NCBP1: variants seen among roughly 807,000 people sequenced by gnomAD.
NCBP1 encodes nuclear cap-binding protein subunit 1.
Under a neutral mutation model 111.7 loss-of-function variants are expected in NCBP1, and 16 were observed. That is an observed-to-expected ratio of 0.14 (90% CI 0.10 to 0.22). NCBP1 has a LOEUF of 0.22. NCBP1 is among the 10% of genes least tolerant of loss of function. The pLI, the probability that NCBP1 is intolerant of heterozygous loss-of-function variation, is 1.00. For synonymous variants in NCBP1, 304 were observed against 314.3 expected, an observed-to-expected ratio of 0.97 and a Z score of 0.35; for missense variants, 607 against 957.5, an observed-to-expected ratio of 0.63 and a Z score of 4.83.
chr9:97,654,796 TGAA>T, intron 11 of NCBP1, 81 bp from the exon 12 acceptor site: 1 of 1,182,078 alleles, frequency 8.5e-7, no homozygotes. Flanking sequence ...TATAAAGACT[TGAA>T]ATGTTTTATT....
chr9:97,647,963 C>CA, intron 7 of NCBP1, 45 bp from the exon 8 acceptor site: 1 of 1,456,474 alleles, frequency 6.9e-7, no homozygotes, highest in Non-Finnish European at 9.4e-7. Context: ...TTTGTCTAGT[C>CA]AAAATGTTAA....
In NCBP1 at chr9:97,658,497, C is replaced by CA. The variant is rs1208314456; in HGVS notation, c.1374-140dup. The stretch of plus-strand genomic sequence containing the variant: ...TGGTGTGCTGGCTTAGACAAAAACT[C>CA]AAAGGATTTTTTTTTCCCTTTCACT... On this transcript the variant is annotated intron_variant, in intron 14 of 22. Transcript: ENST00000375147. 29 of 662,000 alleles carry CA rather than the reference C, an allele frequency of 4.4e-5. No homozygotes were observed. In the South Asian group the frequency reaches 4.7e-4, roughly 11 times the overall value. The allele number at this position is 662,000 out of a possible 1,614,324, so 41.0% of individuals were successfully genotyped here. A position where few individuals can be genotyped will look rare whatever the true frequency, so the allele number is the denominator to read the frequency against.
Position 97,641,602 on chromosome 9 carries a change from G to C in NCBP1, c.164G>C (p.Gly55Ala). The change falls in exon 3 of 23, where the codon GGT (glycine) becomes GCT (alanine). Residue 55 changes from glycine (G) to alanine (A), a missense_variant. This residue lies in a region of NCBP1 where 185 missense variants were observed against 272.0 expected (regional missense o/e 0.68). Transcript: ENST00000375147. ...GAGAGCAACCTAGAAGGCTTGGCTG[G>C]TGTTTTGGAAGCTGATCTTCCTAAC... ...SLESNLEGLAGVLEADLPNYK... is the reference protein window; with the variant it reads ...SLESNLEGLAAVLEADLPNYK... 6.2e-7 allele frequency: 1 copy of C among 1,610,316 alleles called. No individual in the cohort carries two copies. Among genetic ancestry groups the C allele is most frequent in the Non-Finnish European group, 8.5e-7 (1 of 1,177,046 alleles).
chr9:97,656,032 T>C lies in NCBP1; in HGVS notation c.1320T>C (p.Asp440=), dbSNP rs1463331210. 4 of 1,614,036 alleles carry C rather than the reference T, an allele frequency of 2.5e-6. No individual in the cohort carries two copies. Among genetic ancestry groups the C allele is most frequent in the Non-Finnish European group, 3.4e-6 (4 of 1,179,934 alleles). The part of the protein sequence containing the change: ...WEDWSDCLSQ[D]PESPKPKFVR... ...TTAGGTCAGATTGTCTTAGTCAAGA[T>C]CCTGAAAGTCCCAAACCGAAGTTTG... The change falls in exon 14 of 23, where the codon GAT becomes GAC. Residue 440 remains aspartate, a synonymous_variant. Coordinates refer to ENST00000375147, the MANE Select transcript of NCBP1 (RefSeq NM_002486.5).
chr9:97,662,348 G>A (rs956796380), intron 17 of NCBP1, among the ~76,000 whole-genome samples: 7 of 152,332 alleles, frequency 4.6e-5, no homozygotes, highest in Admixed American at 4.6e-4. Flanking sequence ...TATGTACATG[G>A]TAAGTGCTTT....
At chr9:97,634,435 C>T (rs567504537) in intron 1 of NCBP1, 1 of 153,240 alleles carries the variant, frequency 6.5e-6, no homozygotes, top group East Asian at 1.9e-4. Flanking sequence ...GTCTTACCTG[C>T]GCCCAAGAGG....
At position 97,641,658 on chromosome 9, in the gene NCBP1, A is replaced by G. The variant is rs1013344069; in HGVS notation, c.220A>G (p.Thr74Ala). The G allele has an allele frequency of 1.6e-5, 26 of 1,604,332 alleles. No individual in the cohort carries two copies. Among genetic ancestry groups the G allele is most frequent in the Non-Finnish European group, 2.0e-5 (24 of 1,172,694 alleles). Residue 74 changes from threonine (T) to alanine (A), a missense_variant, in exon 3 of 23, where the codon ACA (threonine) becomes GCA (alanine). Physicochemically the swap from Thr to Ala is moderately conservative, Grantham distance 58. This residue lies in a region of NCBP1 where 185 missense variants were observed against 272.0 expected (regional missense o/e 0.68). Coordinates refer to ENST00000375147, the MANE Select transcript of NCBP1 (RefSeq NM_002486.5). ...YKSKILRLLC[T>A]VARLLPEKLT... ...GAGCAAGATCTTAAGGCTTCTTTGT[A>G]CAGTGTATGTATGCAAAAGATTTAT...
intron 19 of NCBP1, among the ~76,000 whole-genome samples, chr9:97,664,977 CT>C (rs758885762): frequency 2.0e-5 from 3 of 152,144 alleles, no homozygotes; most frequent in Non-Finnish European, 2.9e-5. Context: ...CTCATTCCCC[CT>C]AACGGAAAGA....
At chr9:97,651,407 T>A in intron 10 of NCBP1, 34 bp downstream of exon 10, 1 of 1,579,894 alleles carries the variant, frequency 6.3e-7, no homozygotes, top group Middle Eastern at 1.7e-4. Flanking sequence ...TTTCTGAGTT[T>A]CAGAATCTTT....
In NCBP1 at chr9:97,663,901, AG is replaced by A. The variant is rs1304503866; in HGVS notation, c.1798-437del. Among the ~76,000 whole-genome samples, 3 of 151,884 alleles carry A rather than the reference AG, an allele frequency of 2.0e-5. No homozygotes were observed. The East Asian group carries it at 5.8e-4, about 30-fold the overall frequency. Reference sequence around the variant, plus strand: ...AATCTTAAGACCTAATGATCAGGCCAGGCGTGGTGGCTCTTACCTGTAATCC... The same window carrying A: ...AATCTTAAGACCTAATGATCAGGCCAGCGTGGTGGCTCTTACCTGTAATCC... On this transcript the variant is annotated intron_variant, in intron 18 of 22. Transcript: ENST00000375147.
At chr9:97,662,840 A>C in intron 17 of NCBP1, 114 bp from the exon 18 acceptor site, 1 of 744,192 alleles carries the variant, frequency 1.3e-6, no homozygotes, top group East Asian at 2.7e-5. Context: ...ATACTTAGTT[A>C]TTTTGCATTT....
At chr9:97,638,782 T>C (rs1047948606) in intron 1 of NCBP1, among the ~76,000 whole-genome samples, 7 of 152,116 alleles carry the variant, frequency 4.6e-5, no homozygotes, top group African/African-American at 1.4e-4. Flanking sequence ...GCCTGGCCCC[T>C]ACCCACTAGA....
chr9:97,645,274 G>T (rs1367696014), intron 5 of NCBP1, 50 bp downstream of exon 5: 1 of 1,384,472 alleles, frequency 7.2e-7, no homozygotes, highest in African/African-American at 1.4e-5. Flanking sequence ...AGGGGTTACT[G>T]AATCCTGGTA....
chr9:97,661,351 C>T (rs1317644446), intron 16 of NCBP1, among the ~76,000 whole-genome samples: 2 of 152,126 alleles, frequency 1.3e-5, no homozygotes, highest in African/African-American at 4.8e-5. Flanking sequence ...TAGAGAAGTT[C>T]CTGAATAGAA....
chr9:97,658,567 C>T (rs753771882), intron 14 of NCBP1, 73 bp from the exon 15 acceptor site: 13 of 1,127,984 alleles, frequency 1.2e-5, no homozygotes, highest in Non-Finnish European at 1.7e-5. Context: ...TCATGACTTT[C>T]CAGGTAAGTC....
intron 13 of NCBP1, 29 bp from the exon 14 acceptor site, chr9:97,655,982 G>A (rs376908880): frequency 6.3e-7 from 1 of 1,584,656 alleles, no homozygotes; most frequent in Non-Finnish European, 8.7e-7. Flanking sequence ...TTATATGTAA[G>A]CATTGATAAA....
intron 19 of NCBP1, among the ~76,000 whole-genome samples, chr9:97,665,483 A>C (rs1030246308): frequency 2.0e-5 from 3 of 152,188 alleles, no homozygotes; most frequent in Non-Finnish European, 4.4e-5. Flanking sequence ...GGCATTCTGG[A>C]ATCTGTATAG....
intron 21 of NCBP1, 122 bp from the exon 22 acceptor site, chr9:97,669,471 G>A: frequency 1.5e-6 from 1 of 651,444 alleles, no homozygotes; most frequent in Non-Finnish European, 2.7e-6. Context: ...ATGGAAGCTA[G>A]GCACACACAC....
chr9:97,657,349 T>C (rs902193419), intron 14 of NCBP1, among the ~76,000 whole-genome samples: 1 of 152,194 alleles, frequency 6.6e-6, no homozygotes, highest in Non-Finnish European at 1.5e-5. Flanking sequence ...ACTTAACTCT[T>C]TTTTCTATCT....
Sources: gnomAD v4.1 joint callset for allele counts (sites outside exome capture counted in the v4.1 genomes callset) on GRCh38, gnomAD v4.1.1 for gene constraint, gnomAD v4.1.1 regional missense constraint, MANE v1.5 for transcripts, NCBI Gene and HGNC (gene_info 2026-07-23, HGNC 2026-07-21) for gene names.